Variants in TMEM232 observed in about 807,000 individuals in gnomAD.
The protein encoded by TMEM232 is transmembrane protein 232.
Under a neutral mutation model 78.8 loss-of-function variants are expected in TMEM232, and 80 were observed. The ratio of observed to expected loss-of-function variants is 1.01; its 90% CI spans 0.85 to 1.22. The LOEUF (loss-of-function observed/expected upper bound fraction) is 1.22. Ranked by LOEUF, TMEM232 falls within the 50% of genes most tolerant of loss-of-function variation. The pLI, the probability that TMEM232 is intolerant of heterozygous loss-of-function variation, is 0.00. For synonymous variants in TMEM232, 297 were observed against 254.3 expected (o/e 1.17, Z -1.60); for missense variants, 881 against 742.2 (o/e 1.19, Z -2.17).
At chr5:110,620,859 T>C (rs1165649580) in intron 7 of TMEM232, among the ~76,000 whole-genome samples, 1 of 69,844 alleles carries the variant, frequency 1.4e-5, no homozygotes, top group African/African-American at 1.2e-4. Flanking sequence ...TTTCAAGCGC[T>C]TTTTTTTTTT....
intron 11 of TMEM232, among the ~76,000 whole-genome samples, chr5:110,532,383 A>G (rs368971218): frequency 4.4e-4 from 67 of 151,600 alleles, no homozygotes; most frequent in Middle Eastern, 3.4e-3. Flanking sequence ...TAACTCTCAC[A>G]GTGGAAGGTA....
rs535816208 is a variant in TMEM232 at position 110,575,913 on chromosome 5, G to A, written c.1277-7288C>T. Among the ~76,000 whole-genome samples the A allele has an allele frequency of 9.9e-5, 15 of 152,082 alleles. No individual in the cohort carries two copies. The South Asian group carries it at 2.1e-3, about 21-fold the overall frequency. On this transcript the variant is annotated intron_variant, in intron 10 of 13. Coordinates refer to ENST00000455884, the MANE Select transcript of TMEM232 (RefSeq NM_001039763.4). ...TACAAGGGGACCCGGGAGCTTAGAT[G>A]TTCTTGCTTTCTGGGCTTCCTGGCA...
chr5:110,436,994 A>T (rs1029400422), intron 12 of TMEM232, among the ~76,000 whole-genome samples: 1 of 151,972 alleles, frequency 6.6e-6, no homozygotes, highest in African/African-American at 2.4e-5. Flanking sequence ...GAAGAATGTC[A>T]TTGGTATACT....
chr5:110,558,076 T>C (rs540077454), intron 11 of TMEM232, among the ~76,000 whole-genome samples: 2 of 152,276 alleles, frequency 1.3e-5, no homozygotes, highest in Admixed American at 6.5e-5. Context: ...AGATCAGCAA[T>C]TGTGGGCTGC....
At chr5:110,737,051 A>C (rs938223942) in intron 1 of TMEM232, among the ~76,000 whole-genome samples, 16 of 150,538 alleles carry the variant, frequency 1.1e-4, no homozygotes, top group African/African-American at 3.9e-4. Context: ...GGCTTTTTTA[A>C]TACAATCATG....
intron 12 of TMEM232, among the ~76,000 whole-genome samples, chr5:110,467,828 G>A (rs1390617957): frequency 6.6e-6 from 1 of 152,048 alleles, no homozygotes; most frequent in Non-Finnish European, 1.5e-5. Context: ...TGAGCTATAA[G>A]AGAGAAACAC....
At chr5:110,599,739 T>C (rs368761682) in intron 10 of TMEM232, among the ~76,000 whole-genome samples, 6 of 152,216 alleles carry the variant, frequency 3.9e-5, no homozygotes, top group African/African-American at 1.4e-4. Flanking sequence ...TACCCCACTG[T>C]CAATATTAGA....
intron 12 of TMEM232, among the ~76,000 whole-genome samples, chr5:110,440,697 G>A (rs2112752335): frequency 6.6e-6 from 1 of 152,190 alleles, no homozygotes; most frequent in Middle Eastern, 3.4e-3. Context: ...TGAAGAACTA[G>A]GCATATTTAT....
intron 12 of TMEM232, among the ~76,000 whole-genome samples, chr5:110,454,923 A>AAGAT (rs1447849719): frequency 5.9e-5 from 9 of 152,086 alleles, no homozygotes; most frequent in African/African-American, 2.2e-4. Context: ...AAAAAAAAAA[A>AAGAT]AGATAAACCT....
intron 12 of TMEM232, among the ~76,000 whole-genome samples, chr5:110,509,610 A>G (rs1455476431): frequency 6.6e-6 from 1 of 152,230 alleles, no homozygotes; most frequent in Non-Finnish European, 1.5e-5. Flanking sequence ...TTGTATATAC[A>G]TAAATATACA....
chr5:110,568,454 A>T lies in TMEM232; in HGVS notation c.1448T>A (p.Ile483Lys). The change falls in exon 11 of 14, where the codon ATA (isoleucine) becomes AAA (lysine). Residue 483 changes from isoleucine (I) to lysine (K), a missense_variant. Coordinates refer to ENST00000455884, the MANE Select transcript of TMEM232 (RefSeq NM_001039763.4). ...EDVRIQNAINIAQAELNDPTD... is the reference protein window; with the variant it reads ...EDVRIQNAINKAQAELNDPTD... ...CCCAGTGTTTTACCTTACCTGAGCT[A>T]TATTGATTGCATTTTGGATTCGTAC... The T allele has an allele frequency of 7.1e-6, 11 of 1,545,936 alleles. No homozygotes were observed. Among genetic ancestry groups the T allele is most frequent in the Non-Finnish European group, 9.6e-6 (11 of 1,144,544 alleles).
At chr5:110,683,251 G>T (rs1237337592) in intron 1 of TMEM232, among the ~76,000 whole-genome samples, 2 of 151,894 alleles carry the variant, frequency 1.3e-5, no homozygotes, top group Non-Finnish European at 2.9e-5. Flanking sequence ...TAAAATACAG[G>T]TTAAAAATAA....
intron 13 of TMEM232, among the ~76,000 whole-genome samples, chr5:110,422,907 T>C (rs1264199747): frequency 2.6e-5 from 4 of 152,186 alleles, no homozygotes; most frequent in African/African-American, 9.7e-5. Flanking sequence ...AAAAAATAGA[T>C]ATGTTTGAAA....
chr5:110,446,558 GTT>G (rs1015651353), intron 12 of TMEM232, among the ~76,000 whole-genome samples: 16 of 152,106 alleles, frequency 1.1e-4, no homozygotes, highest in African/African-American at 3.9e-4. Flanking sequence ...TTTTTCCTCT[GTT>G]TTCAGCCTCT....
intron 12 of TMEM232, among the ~76,000 whole-genome samples, chr5:110,525,964 C>T (rs950623621): frequency 1.2e-4 from 16 of 136,610 alleles, no homozygotes; most frequent in Middle Eastern, 4.5e-3. Flanking sequence ...AGATGGATGA[C>T]GCAATAAATA....
chr5:110,624,448 G>A (rs1784160482), intron 7 of TMEM232, among the ~76,000 whole-genome samples: 1 of 152,016 alleles, frequency 6.6e-6, no homozygotes, highest in Non-Finnish European at 1.5e-5. Context: ...TGGGCCTCTC[G>A]TAGATCACAG....
At chr5:110,527,713 A>C (rs1278328549) in intron 12 of TMEM232, among the ~76,000 whole-genome samples, 2 of 151,976 alleles carry the variant, frequency 1.3e-5, no homozygotes, top group Non-Finnish European at 2.9e-5. Context: ...TTAATCAATC[A>C]ATCACAGCCT....
At chr5:110,500,523 T>A (rs536599212) in intron 12 of TMEM232, among the ~76,000 whole-genome samples, 2 of 151,898 alleles carry the variant, frequency 1.3e-5, no homozygotes, top group East Asian at 3.9e-4. Context: ...AAATACAACA[T>A]CTCAAAGCAG....
chr5:110,738,028 C>T, exon 1 of TMEM232: 1 of 226,536 alleles, frequency 4.4e-6, no homozygotes, highest in South Asian at 4.8e-5. Context: ...GATAAAACCA[C>T]AGAAAAAAAT....
Sources: gnomAD v4.1 joint callset for allele counts (sites outside exome capture counted in the v4.1 genomes callset) on GRCh38, gnomAD v4.1.1 for gene constraint, MANE v1.5 for transcripts, NCBI Gene and HGNC (gene_info 2026-07-23, HGNC 2026-07-21) for gene names.